Variants in SIL1 observed in about 807,000 individuals in gnomAD.
SIL1 encodes the protein SIL1 nucleotide exchange factor.
In SIL1, 40 loss-of-function variants were observed where a neutral mutation model predicts 49.1. The ratio of observed to expected loss-of-function variants is 0.81; its 90% CI spans 0.63 to 1.06. The LOEUF is 1.06. Ranked by LOEUF, SIL1 falls within the 50% of genes least tolerant of loss-of-function variation. SIL1 has a pLI of 0.00. For synonymous variants in SIL1, 253 were observed against 250.8 expected (o/e 1.01, Z -0.08); for missense variants, 500 against 572.6 (o/e 0.87, Z 1.29).
intron 7 of SIL1, among the ~76,000 whole-genome samples, chr5:138,998,852 CTTTTTTTTTTTT>C (rs35074969): frequency 2.0e-5 from 2 of 98,806 alleles, no homozygotes; most frequent in African/African-American, 8.6e-5. Context: ...ATTATCTTTC[CTTTTTTTTTTTT>C]TTTTTTTTTT....
chr5:139,053,748 T>C (rs1376718294), intron 3 of SIL1, among the ~76,000 whole-genome samples: 1 of 152,188 alleles, frequency 6.6e-6, no homozygotes, highest in Non-Finnish European at 1.5e-5. Flanking sequence ...ACCCTCAGCC[T>C]CCATCTCCTC....
chr5:139,100,313 T>TCC (rs1186206186), intron 3 of SIL1, among the ~76,000 whole-genome samples: 20 of 152,252 alleles, frequency 1.3e-4, no homozygotes, highest in African/African-American at 2.9e-4. Flanking sequence ...AGAAGAACAT[T>TCC]CTAGGTCCCA....
chr5:139,166,382 C>A (rs771329216), intron 1 of SIL1, among the ~76,000 whole-genome samples: 1 of 152,102 alleles, frequency 6.6e-6, no homozygotes, highest in Admixed American at 6.5e-5. Flanking sequence ...TTAAGAGGGG[C>A]CAGGCATAGT....
intron 1 of SIL1, among the ~76,000 whole-genome samples, chr5:139,189,587 C>G (rs956624173): frequency 6.6e-5 from 10 of 152,104 alleles, no homozygotes; most frequent in Admixed American, 5.2e-4. Flanking sequence ...TTTGGGAGGT[C>G]CAGGCGGGTG....
intron 3 of SIL1, among the ~76,000 whole-genome samples, chr5:139,104,565 A>C (rs1361330040): frequency 6.6e-6 from 1 of 152,160 alleles, no homozygotes; most frequent in African/African-American, 2.4e-5. Flanking sequence ...GGCAAAGGAA[A>C]ACCCAACGTT....
chr5:138,985,020 T>C (rs1767622864), intron 7 of SIL1, among the ~76,000 whole-genome samples: 1 of 152,138 alleles, frequency 6.6e-6, no homozygotes, highest in Admixed American at 6.5e-5. Flanking sequence ...GCCGAGGTAA[T>C]GGCAGGACAT....
intron 1 of SIL1, chr5:139,137,252 G>A (rs914741648): frequency 4.8e-5 from 33 of 693,804 alleles, no homozygotes; most frequent in East Asian, 1.1e-4. Context: ...TACTCTTCAC[G>A]ACAACCCTCT....
chr5:138,956,151 T>C (rs373690484), intron 7 of SIL1, among the ~76,000 whole-genome samples: 3 of 152,206 alleles, frequency 2.0e-5, no homozygotes, highest in Non-Finnish European at 4.4e-5. Context: ...GAAAAAACTA[T>C]TATTTTTCTT....
intron 7 of SIL1, among the ~76,000 whole-genome samples, chr5:138,968,836 G>T (rs531342051): frequency 8.1e-4 from 124 of 152,260 alleles, no homozygotes; most frequent in Admixed American, 1.4e-3. Context: ...CACGTGGATG[G>T]GTTGGGCACA....
At chr5:139,141,321 T>C (rs1186442061) in intron 1 of SIL1, among the ~76,000 whole-genome samples, 1 of 151,908 alleles carries the variant, frequency 6.6e-6, no homozygotes, top group Non-Finnish European at 1.5e-5. Context: ...GCCATTAAAA[T>C]AGGTAAAAAT....
At chr5:139,040,038 A>C (rs908539768) in intron 5 of SIL1, among the ~76,000 whole-genome samples, 5 of 147,570 alleles carry the variant, frequency 3.4e-5, no homozygotes, top group East Asian at 1.9e-4. Context: ...CACTCATTTA[A>C]TTAAGAGGAT....
intron 1 of SIL1, among the ~76,000 whole-genome samples, chr5:139,177,620 A>G (rs1344384579): frequency 6.6e-6 from 1 of 152,154 alleles, no homozygotes; most frequent in East Asian, 1.9e-4. Context: ...TTCCAGATGA[A>G]TAAGTGAAAG....
At chr5:139,132,918 C>T (rs563233867) in intron 1 of SIL1, among the ~76,000 whole-genome samples, 2 of 152,304 alleles carry the variant, frequency 1.3e-5, no homozygotes, top group African/African-American at 2.4e-5. Flanking sequence ...AAGCCAGCTG[C>T]GGTCCCTGGC....
intron 3 of SIL1, among the ~76,000 whole-genome samples, chr5:139,054,495 A>AG (rs1261922781): frequency 6.6e-6 from 1 of 152,220 alleles, no homozygotes; most frequent in Non-Finnish European, 1.5e-5. Flanking sequence ...TTATATGGAA[A>AG]GGCCAAGAAG....
intron 7 of SIL1, among the ~76,000 whole-genome samples, chr5:138,981,906 C>T (rs1046152230): frequency 6.6e-6 from 1 of 152,136 alleles, no homozygotes; most frequent in African/African-American, 2.4e-5. Flanking sequence ...TTTGAAGTCA[C>T]GCTGCCTGGG....
chr5:138,950,029 A>C (rs1024999954), intron 9 of SIL1, among the ~76,000 whole-genome samples: 21 of 152,100 alleles, frequency 1.4e-4, no homozygotes, highest in Admixed American at 3.9e-4. Flanking sequence ...TTCCAGAGGC[A>C]GGCTCCCGGG....
At chr5:139,008,246 C>T (rs918892011) in intron 7 of SIL1, among the ~76,000 whole-genome samples, 32 of 151,586 alleles carry the variant, frequency 2.1e-4, no homozygotes, top group African/African-American at 7.0e-4. Flanking sequence ...AATTTATTTG[C>T]GTAGAGGTGT....
intron 2 of SIL1, among the ~76,000 whole-genome samples, chr5:139,121,605 T>C (rs1198255054): frequency 6.6e-6 from 1 of 152,140 alleles, no homozygotes; most frequent in Non-Finnish European, 1.5e-5. Context: ...AACACATACA[T>C]GAATGGGAGA....
At chr5:139,011,793 A>G (rs1343447611) in intron 7 of SIL1, among the ~76,000 whole-genome samples, 1 of 152,154 alleles carries the variant, frequency 6.6e-6, no homozygotes, top group Non-Finnish European at 1.5e-5. Flanking sequence ...GTTCCTCCAA[A>G]GAGGATTTGT....
Sources: allele counts gnomAD v4.1 joint callset (sites outside exome capture counted in the v4.1 genomes callset), GRCh38; gene constraint gnomAD v4.1.1; transcripts MANE v1.5; gene names NCBI Gene and HGNC (gene_info 2026-07-23, HGNC 2026-07-21).